Variants in SLC5A11 observed in about 807,000 individuals in gnomAD.
The protein encoded by SLC5A11 is solute carrier family 5 member 11, also known as sodium/myo-inositol cotransporter 2.
SLC5A11 carries 48 observed loss-of-function variants against 69.8 expected under a neutral mutation model. The observed-to-expected ratio is 0.69, with a 90% CI of 0.55 to 0.87. The LOEUF (loss-of-function observed/expected upper bound fraction) is 0.87, where lower values mean the gene tolerates loss of function less well. Ranked by LOEUF, SLC5A11 falls within the 40% of genes least tolerant of loss-of-function variation. The pLI is 0.00. For synonymous variants in SLC5A11, 319 were observed against 342.4 expected, an observed-to-expected ratio of 0.93 and a Z score of 0.75; for missense variants, 784 against 866.1, an observed-to-expected ratio of 0.91 and a Z score of 1.19.
intron 2 of SLC5A11, among the ~76,000 whole-genome samples, chr16:24,859,876 G>A (rs148566746): frequency 6.6e-6 from 1 of 152,168 alleles, no homozygotes; most frequent in African/African-American, 2.4e-5. Flanking sequence ...CTGGCCCAGC[G>A]CAGTGGCTCA....
At chr16:24,877,713 C>T (rs904969067) in intron 7 of SLC5A11, among the ~76,000 whole-genome samples, 7 of 151,954 alleles carry the variant, frequency 4.6e-5, no homozygotes, top group African/African-American at 1.5e-4. Flanking sequence ...AGGCCAGGCA[C>T]GGTGGCTTAC....
Position 24,884,135 on chromosome 16 carries a change from AG to A in SLC5A11, c.664+5del, listed in dbSNP as rs1203542753. On this transcript the variant is annotated splice_donor_5th_base_variant and intron_variant, in intron 8 of 15. Transcript: ENST00000347898. ...GCGCTCACCTTGATGGGCTACAGTA[AG>A]TGGGGTCCCCGGGTCACTGGGGCGG... 3 of 1,613,920 alleles carry A rather than the reference AG, an allele frequency of 1.9e-6. No homozygotes were observed. Among genetic ancestry groups the A allele is most frequent in the Non-Finnish European group, 1.7e-6 (2 of 1,179,892 alleles).
intron 1 of SLC5A11, among the ~76,000 whole-genome samples, chr16:24,853,159 T>C (rs1191917663): frequency 1.3e-5 from 2 of 149,560 alleles, no homozygotes; most frequent in African/African-American, 5.0e-5. Context: ...ACACAGTTGG[T>C]GCCTAATAAT....
intron 10 of SLC5A11, among the ~76,000 whole-genome samples, chr16:24,899,131 C>T (rs1405280229): frequency 2.0e-5 from 3 of 152,048 alleles, no homozygotes; most frequent in East Asian, 3.9e-4. Flanking sequence ...GAGTCCTTTC[C>T]TAGTGATGAG....
At chr16:24,903,486 C>A (rs1015279185) in intron 10 of SLC5A11, among the ~76,000 whole-genome samples, 3 of 152,122 alleles carry the variant, frequency 2.0e-5, no homozygotes, top group Non-Finnish European at 4.4e-5. Flanking sequence ...CATTTACCAA[C>A]CTTTGGCTAC....
At chr16:24,884,157 G>A in intron 8 of SLC5A11, 26 bp downstream of exon 9, 1 of 1,607,840 alleles carries the variant, frequency 6.2e-7, no homozygotes, top group Non-Finnish European at 8.5e-7. Flanking sequence ...GGGTCACTGG[G>A]GCGGACAACA....
rs749172893 is a variant in SLC5A11 at position 24,901,931 on chromosome 16, TACAC to T, written c.1006+3845_1006+3848del. Among the ~76,000 whole-genome samples the T allele has an allele frequency of 1.2e-3, 161 of 138,008 alleles. No individual in the cohort carries two copies. The Middle Eastern group carries it at 0.015, about 13-fold the overall frequency. The allele number at this position is 138,008 out of a possible 152,430, so 90.5% of individuals were successfully genotyped here. On this transcript the variant is annotated intron_variant, in intron 10 of 15. Coordinates refer to ENST00000347898, the Ensembl canonical transcript of SLC5A11. ...AAGATCCCATCTCTGGAAAAAAAAA[TACAC>T]ACACACACACACACACACACACGCA... is the stretch of plus-strand genomic sequence containing the variant.
At chr16:24,908,961 A>G (rs569946050) in exon 14 of SLC5A11, 1 of 1,614,006 alleles carries the variant, frequency 6.2e-7, no homozygotes, top group African/African-American at 1.3e-5. Flanking sequence ...TGCAGCCTCG[A>G]TGCGACCAGC....
chr16:24,879,672 G>A (rs1258061496), intron 7 of SLC5A11, among the ~76,000 whole-genome samples: 1 of 152,190 alleles, frequency 6.6e-6, no homozygotes, highest in African/African-American at 2.4e-5. Flanking sequence ...AGGAGGCAGA[G>A]GTTGCAAGGT....
intron 1 of SLC5A11, among the ~76,000 whole-genome samples, chr16:24,849,563 C>A (rs2059171809): frequency 1.3e-5 from 1 of 74,146 alleles, no homozygotes; most frequent in Non-Finnish European, 2.5e-5. Context: ...CGAGACTCTG[C>A]CTTGGGGGCA....
At chr16:24,864,616 C>T (rs1469017915) in intron 3 of SLC5A11, among the ~76,000 whole-genome samples, 1 of 151,984 alleles carries the variant, frequency 6.6e-6, no homozygotes. Context: ...AAGTATGGTC[C>T]ATACACAGGG....
At chr16:24,859,040 C>A (rs1446489677) in intron 2 of SLC5A11, 5 of 296,232 alleles carry the variant, frequency 1.7e-5, no homozygotes, top group Middle Eastern at 8.9e-4. Flanking sequence ...GTTACAATAC[C>A]CATTTTACAG....
intron 7 of SLC5A11, among the ~76,000 whole-genome samples, chr16:24,878,638 C>G (rs2047842348): frequency 6.6e-6 from 1 of 152,144 alleles, no homozygotes; most frequent in African/African-American, 2.4e-5. Flanking sequence ...TACTGTGTGC[C>G]AGACATCATG....
At chr16:24,896,946 T>C (rs1406089385) in intron 9 of SLC5A11, among the ~76,000 whole-genome samples, 6 of 85,568 alleles carry the variant, frequency 7.0e-5, no homozygotes, top group Admixed American at 2.7e-4. Flanking sequence ...TCCTTCCTTT[T>C]TTTTTTTTTT....
chr16:24,868,596 CAAA>C (rs71156448), intron 3 of SLC5A11, among the ~76,000 whole-genome samples: 5 of 123,922 alleles, frequency 4.0e-5, no homozygotes, highest in Middle Eastern at 4.0e-3. Flanking sequence ...GACTCCGCCT[CAAA>C]AAAAAAAAAA....
At chr16:24,862,521 C>A in intron 2 of SLC5A11, 80 bp from the exon 4 acceptor site, 1 of 1,174,582 alleles carries the variant, frequency 8.5e-7, no homozygotes, top group Non-Finnish European at 1.2e-6. Context: ...AGTTTGCAAT[C>A]CCTGCCTGGC....
At chr16:24,896,218 G>C (rs1290913893) in intron 9 of SLC5A11, among the ~76,000 whole-genome samples, 1 of 151,850 alleles carries the variant, frequency 6.6e-6, no homozygotes. Context: ...ATAAAATGTA[G>C]CCAAGTGTGG....
rs150087161 is a variant in SLC5A11, at chr16:24,849,691, A to C, written c.-25+3253A>C. ...GCTCAGAAGGTGCTCTGTGATGTCT[A>C]TTCTCTCTGGAATAATGAGACAAGA... On this transcript the variant is annotated intron_variant, in intron 1 of 15. Coordinates refer to ENST00000347898, the Ensembl canonical transcript of SLC5A11. Among the ~76,000 whole-genome samples the C allele has an allele frequency of 3.3e-3, 465 of 142,486 alleles. 11 individuals are homozygous for C. Among genetic ancestry groups the C allele is most frequent in the Admixed American group, 0.028 (393 of 13,918 alleles). The allele number at this position is 142,486 out of a possible 152,430, so 93.5% of individuals were successfully genotyped here. A position where few individuals can be genotyped will look rare whatever the true frequency, so the allele number is the denominator to read the frequency against.
intron 1 of SLC5A11, among the ~76,000 whole-genome samples, chr16:24,853,690 C>T (rs1358351983): frequency 6.6e-6 from 1 of 152,250 alleles, no homozygotes; most frequent in African/African-American, 2.4e-5. Flanking sequence ...TAGAAGCAAG[C>T]AGCACAGCTA....
Sources: allele counts gnomAD v4.1 joint callset (sites outside exome capture counted in the v4.1 genomes callset), GRCh38; gene constraint gnomAD v4.1.1; transcripts MANE v1.5; gene names NCBI Gene and HGNC (gene_info 2026-07-23, HGNC 2026-07-21).